The following TNFRSF8 variants were observed in gnomAD, a reference collection of about 807,000 sequenced individuals.
TNFRSF8 encodes tumor necrosis factor receptor superfamily member 8.
A neutral mutation model predicts 70.8 loss-of-function variants in TNFRSF8; 26 were observed. The ratio of observed to expected loss-of-function variants is 0.37; its 90% CI spans 0.27 to 0.51. TNFRSF8 has a LOEUF of 0.51. Among genes scored for constraint, TNFRSF8 ranks in the 20% least tolerant of loss-of-function variants. The pLI, the probability that TNFRSF8 is intolerant of heterozygous loss-of-function variation, is 0.94. For missense variants in TNFRSF8, 720 were observed against 807.9 expected (o/e 0.89, Z 1.32); for synonymous variants, 356 against 339.2 (o/e 1.05, Z -0.54).
At chr1:12,086,779 C>T (rs1313255559) in intron 2 of TNFRSF8, among the ~76,000 whole-genome samples, 4 of 151,818 alleles carry the variant, frequency 2.6e-5, no homozygotes, top group African/African-American at 9.7e-5. Flanking sequence ...GTGGGAAGAT[C>T]GATCTCTCTC....
intron 1 of TNFRSF8, chr1:12,080,252 A>G (rs1253343793): frequency 7.7e-6 from 4 of 517,078 alleles, no homozygotes; most frequent in Non-Finnish European, 1.5e-5. Context: ...CCCAGCCAAG[A>G]TGATCCCAGT....
chr1:12,079,194 C>A (rs533788001), intron 1 of TNFRSF8, among the ~76,000 whole-genome samples: 1 of 152,206 alleles, frequency 6.6e-6, no homozygotes, highest in Non-Finnish European at 1.5e-5. Context: ...TTTAACTGGT[C>A]TTGTAGGGAA....
intron 1 of TNFRSF8, among the ~76,000 whole-genome samples, chr1:12,069,090 C>T (rs1640791399): frequency 6.9e-6 from 1 of 145,888 alleles, no homozygotes; most frequent in Admixed American, 7.0e-5. Context: ...CCAGGCTAGT[C>T]TCTAACTCCT....
intron 2 of TNFRSF8, among the ~76,000 whole-genome samples, chr1:12,086,760 C>A (rs1368567072): frequency 6.6e-6 from 1 of 151,922 alleles, no homozygotes; most frequent in Non-Finnish European, 1.5e-5. Flanking sequence ...AGATGGCAGT[C>A]TTCTCATGGT....
intron 3 of TNFRSF8, among the ~76,000 whole-genome samples, chr1:12,100,252 G>A (rs1172869131): frequency 6.6e-6 from 1 of 152,166 alleles, no homozygotes; most frequent in Non-Finnish European, 1.5e-5. Flanking sequence ...AGGACACGAA[G>A]TTGTTCTGGG....
At chr1:12,129,447 T>C (rs1196528751) in intron 12 of TNFRSF8, among the ~76,000 whole-genome samples, 1 of 152,184 alleles carries the variant, frequency 6.6e-6, no homozygotes, top group East Asian at 1.9e-4. Context: ...CCTGTTGAAG[T>C]TTCTTTATTT....
At position 12,138,541 on chromosome 1, in the gene TNFRSF8, G is replaced by A. The variant is rs1642195678; in HGVS notation, c.1543+105G>A. The stretch of plus-strand genomic sequence containing the variant: ...GGACCTGGAGACCCTGGAGTTGAAA[G>A]GCCCAGGAAAGGAGAGGCATAGATT... On this transcript the variant is annotated intron_variant, in intron 14 of 14. Transcript: ENST00000263932. This position sits in a 1 kb window ranked among gnomAD's most constrained non-coding sequence, Gnocchi z 5.7. 1.7e-6 allele frequency: 2 copies of A among 1,177,900 alleles called. No homozygotes were observed. 73.0% of individuals were successfully genotyped at this position (1,177,900 alleles called of 1,614,324 possible). A position where few individuals can be genotyped will look rare whatever the true frequency, so the allele number is the denominator to read the frequency against.
At chr1:12,070,650 C>T (rs1321273000) in intron 1 of TNFRSF8, among the ~76,000 whole-genome samples, 3 of 152,124 alleles carry the variant, frequency 2.0e-5, no homozygotes, top group South Asian at 2.1e-4. Context: ...CTAGAATCAA[C>T]AGGACCTGTG....
chr1:12,101,434 A>G (rs1037723617), intron 3 of TNFRSF8, among the ~76,000 whole-genome samples: 86 of 152,068 alleles, frequency 5.7e-4, no homozygotes, highest in Admixed American at 3.9e-3. Flanking sequence ...TTCAAAAAAA[A>G]AAAATGATAA....
rs1007924517 is a variant in TNFRSF8 at position 12,119,529 on chromosome 1, TATGAA to T, written c.947-3754_947-3750del. ...TGGGTTGTTTCCAGTTTAGGGCTAT[TATGAA>T]TGAAAACAGCTGTGAATATTCTTTT... On this transcript the variant is annotated intron_variant, in intron 8 of 14. Coordinates refer to ENST00000263932, the MANE Select transcript of TNFRSF8 (RefSeq NM_001243.5). The surrounding 1 kb of genome is among the most constrained non-coding windows in gnomAD (Gnocchi z 4.4). Among the ~76,000 whole-genome samples the T allele has an allele frequency of 2.0e-5, 3 of 151,720 alleles. No individual in the cohort carries two copies. The highest frequency in any genetic ancestry group is 6.6e-5 in the Admixed American group (1 of 15,174).
intron 12 of TNFRSF8, among the ~76,000 whole-genome samples, chr1:12,134,061 T>G (rs925177524): frequency 2.0e-5 from 3 of 152,060 alleles, no homozygotes; most frequent in African/African-American, 7.2e-5. Flanking sequence ...AAATTACCCC[T>G]AAGAGTGTTT....
chr1:12,102,699 T>C (rs1195696549), intron 3 of TNFRSF8, among the ~76,000 whole-genome samples: 1 of 152,144 alleles, frequency 6.6e-6, no homozygotes, highest in Admixed American at 6.5e-5. Flanking sequence ...CTAATTTTTG[T>C]ATTTTTAGTA....
At position 12,119,121 on chromosome 1, in the gene TNFRSF8, G is replaced by A. The variant is rs1461782474; in HGVS notation, c.946+3392G>A. 2.0e-5 allele frequency among the ~76,000 whole-genome samples: 3 copies of A among 152,098 alleles called. No homozygotes were observed. The highest frequency in any genetic ancestry group is 1.3e-4 in the Admixed American group (2 of 15,276). On this transcript the variant is annotated intron_variant, in intron 8 of 14. Coordinates refer to ENST00000263932, the MANE Select transcript of TNFRSF8 (RefSeq NM_001243.5). This position sits in a 1 kb window ranked among gnomAD's most constrained non-coding sequence, Gnocchi z 4.4. ...CTGGTGATCCGCCTGCCTCGGCCTC[G>A]CAAAAGTGCTGGGATTACCGGCGTG...
At chr1:12,115,870 T>C (rs1641720441) in intron 8 of TNFRSF8, 141 bp downstream of exon 8, 3 of 869,558 alleles carry the variant, frequency 3.5e-6, no homozygotes, top group Non-Finnish European at 5.2e-6. Context: ...GGGTTCTGGT[T>C]ATCCTTTGAG....
At position 12,113,546 on chromosome 1, in the gene TNFRSF8, T is replaced by G. The variant is rs1201677826; in HGVS notation, c.793+1532T>G. Reference sequence around the variant, plus strand: ...GAGACAGAAAGAGGGAGAGAAAGAGTGAGAGAGAGAAAGAGAGAGACAGAG... The same window carrying G: ...GAGACAGAAAGAGGGAGAGAAAGAGGGAGAGAGAGAAAGAGAGAGACAGAG... On this transcript the variant is annotated intron_variant, in intron 7 of 14. Coordinates refer to ENST00000263932, the MANE Select transcript of TNFRSF8 (RefSeq NM_001243.5). This position sits in a 1 kb window ranked among gnomAD's most constrained non-coding sequence, Gnocchi z 4.9. Among the ~76,000 whole-genome samples, 1 of 111,898 alleles carries G rather than the reference T, an allele frequency of 8.9e-6. No individual in the cohort carries two copies. The highest frequency in any genetic ancestry group is 8.6e-5 in the Admixed American group (1 of 11,686). The allele number at this position is 111,898 out of a possible 152,430, so 73.4% of individuals were successfully genotyped here.
chr1:12,135,986 G>A (rs1028643976), intron 13 of TNFRSF8, among the ~76,000 whole-genome samples: 6 of 152,116 alleles, frequency 3.9e-5, no homozygotes, highest in Non-Finnish European at 8.8e-5. Context: ...GAGGAAGACT[G>A]TGTTCATTTT....
chr1:12,084,085 A>G (rs1288620353), intron 1 of TNFRSF8, among the ~76,000 whole-genome samples: 2 of 152,316 alleles, frequency 1.3e-5, no homozygotes, highest in East Asian at 3.9e-4. Context: ...GACTTCAACA[A>G]ATACGTTTAC....
intron 2 of TNFRSF8, among the ~76,000 whole-genome samples, chr1:12,085,866 G>A (rs1376536609): frequency 6.6e-6 from 1 of 152,216 alleles, no homozygotes; most frequent in Non-Finnish European, 1.5e-5. Context: ...TTAGATGGGC[G>A]GGGCAGGACA....
rs367959874 is a variant in TNFRSF8, at chr1:12,129,934, T to C, written c.1309+3698T>C. ...TTGTTTATTTTTTTGAGACAGGGTC[T>C]GGCTCTGTCACCCAGGCTGGAGTGC... On this transcript the variant is annotated intron_variant, in intron 12 of 14. Transcript: ENST00000263932. Among the ~76,000 whole-genome samples, 4 of 152,330 alleles carry C rather than the reference T, an allele frequency of 2.6e-5. No individual in the cohort carries two copies. The East Asian group carries it at 7.7e-4, about 29-fold the overall frequency.
Sources: gnomAD v4.1 joint callset for allele counts (sites outside exome capture counted in the v4.1 genomes callset) on GRCh38, gnomAD v4.1.1 for gene constraint, Gnocchi (gnomAD v3.1) non-coding constraint, MANE v1.5 for transcripts, NCBI Gene and HGNC (gene_info 2026-07-23, HGNC 2026-07-21) for gene names.